The following SAMD3 variants were observed in gnomAD, a reference collection of about 807,000 sequenced individuals.
SAMD3 encodes the protein sterile alpha motif domain containing 3, also known as sterile alpha motif domain-containing protein 3.
Under a neutral mutation model 58.5 loss-of-function variants are expected in SAMD3, and 63 were observed. The ratio of observed to expected loss-of-function variants is 1.08; its 90% confidence interval spans 0.88 to 1.33. The LOEUF is 1.33. SAMD3 is among the 40% of genes most tolerant of loss of function. The pLI is 0.00. For synonymous variants in SAMD3, 220 were observed against 210.3 expected, an observed-to-expected ratio of 1.05 and a Z score of -0.40; for missense variants, 604 against 608.4, an observed-to-expected ratio of 0.99 and a Z score of 0.08.
At chr6:130,208,703 A>T (rs923736460) in intron 5 of SAMD3, among the ~76,000 whole-genome samples, 2 of 152,150 alleles carry the variant, frequency 1.3e-5, no homozygotes, top group Admixed American at 1.3e-4. Context: ...GCCCTCACTG[A>T]TTCTACATTA....
chr6:130,338,531 C>T (rs568892998), intron 1 of SAMD3, among the ~76,000 whole-genome samples: 3 of 152,322 alleles, frequency 2.0e-5, no homozygotes, highest in African/African-American at 7.2e-5. Flanking sequence ...GGAAAAGTCA[C>T]AGGCACTCAA....
rs572548689 is a variant in SAMD3, at chr6:130,150,224, C to T, written c.1024-4043G>A. 9.2e-5 allele frequency among the ~76,000 whole-genome samples: 14 copies of T among 152,326 alleles called. No individual in the cohort carries two copies. In the South Asian group the frequency reaches 2.7e-3, roughly 29 times the overall value. On this transcript the variant is annotated intron_variant, in intron 9 of 11. Transcript: ENST00000439090. ...TCCCCACCGTCCTGTCCTGAAGCAG[C>T]TGGCTTGCCAGACTGGTGGAGTGGC...
chr6:130,162,712 C>A (rs748169113), intron 8 of SAMD3, among the ~76,000 whole-genome samples: 11 of 152,020 alleles, frequency 7.2e-5, no homozygotes, highest in Non-Finnish European at 1.6e-4. Context: ...GGTTTCATAC[C>A]TAAGATTGTG....
At chr6:130,362,968 TCTAC>T (rs2115048975) in intron 1 of SAMD3, among the ~76,000 whole-genome samples, 1 of 152,344 alleles carries the variant, frequency 6.6e-6, no homozygotes. Flanking sequence ...ATATATTTCC[TCTAC>T]CTTTTTCTTT....
chr6:130,301,262 C>G (rs1001122842), intron 2 of SAMD3, among the ~76,000 whole-genome samples: 2 of 152,014 alleles, frequency 1.3e-5, no homozygotes, highest in Non-Finnish European at 2.9e-5. Context: ...CTATTAAATA[C>G]CAGTAGCATT....
At chr6:130,360,940 G>C (rs1175996973) in intron 1 of SAMD3, among the ~76,000 whole-genome samples, 2 of 152,120 alleles carry the variant, frequency 1.3e-5, no homozygotes, top group African/African-American at 4.8e-5. Context: ...GTCCCGCCCG[G>C]CTCACTGGAG....
chr6:130,325,782 T>C (rs1394789810), intron 1 of SAMD3, among the ~76,000 whole-genome samples: 1 of 152,204 alleles, frequency 6.6e-6, no homozygotes, highest in African/African-American at 2.4e-5. Context: ...TTCGAGTGTT[T>C]TGAGTTCAAT....
At chr6:130,153,166 G>A (rs898621449) in intron 9 of SAMD3, among the ~76,000 whole-genome samples, 2 of 151,624 alleles carry the variant, frequency 1.3e-5, no homozygotes, top group African/African-American at 2.4e-5. Flanking sequence ...TGTATAGACC[G>A]TAAGTTTGAC....
Position 130,363,342 on chromosome 6 carries a change from C to T in SAMD3, c.-304+1778G>A, listed in dbSNP as rs180702453. Among the ~76,000 whole-genome samples the T allele has an allele frequency of 7.1e-3, 1,077 of 152,260 alleles. 4 individuals are homozygous for T. Among genetic ancestry groups the T allele is most frequent in the Middle Eastern group, 0.02 (6 of 294 alleles). On this transcript the variant is annotated intron_variant, in intron 1 of 13. Coordinates refer to the SAMD3 transcript ENST00000368134. Reference sequence around the variant, plus strand: ...ACATGACCTCTTAAGAATACTCATTCTTTTTCATTTCAACGTATGTTTCCA... The same window carrying T: ...ACATGACCTCTTAAGAATACTCATTTTTTTTCATTTCAACGTATGTTTCCA...
chr6:130,300,647 G>A (rs994420304), intron 2 of SAMD3, among the ~76,000 whole-genome samples: 6 of 152,144 alleles, frequency 3.9e-5, no homozygotes, highest in Middle Eastern at 3.4e-3. Context: ...AAAAAATAAA[G>A]AAATAAAAGG....
At chr6:130,172,447 T>C (rs1791339350) in intron 8 of SAMD3, among the ~76,000 whole-genome samples, 1 of 152,232 alleles carries the variant, frequency 6.6e-6, no homozygotes, top group African/African-American at 2.4e-5. Flanking sequence ...GAGGATTTTA[T>C]TTCTCCTCCA....
intron 1 of SAMD3, among the ~76,000 whole-genome samples, chr6:130,345,623 C>T (rs542868452): frequency 6.6e-6 from 1 of 151,822 alleles, no homozygotes; most frequent in South Asian, 2.1e-4. Flanking sequence ...GTTTGGAATG[C>T]CTTTGAATCC....
chr6:130,224,389 AC>A (rs1796326910), upstream of SAMD3, among the ~76,000 whole-genome samples: 1 of 151,572 alleles, frequency 6.6e-6, no homozygotes, highest in Admixed American at 6.6e-5. Context: ...CTAGCCAGGG[AC>A]CCCATTCTTC....
intron 8 of SAMD3, among the ~76,000 whole-genome samples, chr6:130,157,840 C>G (rs112145725): frequency 6.2e-4 from 94 of 151,892 alleles, no homozygotes; most frequent in African/African-American, 2.0e-3. Flanking sequence ...TAAAATCATG[C>G]ATATGTAATT....
chr6:130,334,409 CT>C (rs1309513870), intron 1 of SAMD3, among the ~76,000 whole-genome samples: 1 of 115,620 alleles, frequency 8.6e-6, no homozygotes, highest in Non-Finnish European at 1.6e-5. Context: ...CAGTCCTTTC[CT>C]GAAAAAAAGG....
At chr6:130,225,714 G>A (rs1235082047), upstream of SAMD3, among the ~76,000 whole-genome samples, 1 of 152,296 alleles carries the variant, frequency 6.6e-6, no homozygotes, top group African/African-American at 2.4e-5. Context: ...AGAGTAGTTG[G>A]AAGAAGAGGA....
rs1404045415 is a variant in SAMD3 at position 130,155,848 on chromosome 6, C to G, written c.823-823G>C. Among the ~76,000 whole-genome samples the G allele has an allele frequency of 4.6e-5, 7 of 152,100 alleles. No individual in the cohort carries two copies. In the East Asian group the frequency reaches 9.6e-4, roughly 21 times the overall value. On this transcript the variant is annotated intron_variant, in intron 8 of 11. Transcript: ENST00000439090. The stretch of plus-strand genomic sequence containing the variant: ...GTGAACACAGAATGACTAACAAGAC[C>G]TAAACCAAGTGAAGGAACGCCTAGA...
intron 2 of SAMD3, among the ~76,000 whole-genome samples, chr6:130,311,904 T>G (rs1457759286): frequency 6.6e-6 from 1 of 152,082 alleles, no homozygotes; most frequent in East Asian, 1.9e-4. Flanking sequence ...GAGGGGGGCC[T>G]TTGATGAGCC....
chr6:130,355,736 C>G (rs1487449099), intron 1 of SAMD3, among the ~76,000 whole-genome samples: 1 of 152,116 alleles, frequency 6.6e-6, no homozygotes, highest in Non-Finnish European at 1.5e-5. Context: ...ATGACAGACA[C>G]AGGAAAAATG....
Sources: gnomAD v4.1 joint callset for allele counts (sites outside exome capture counted in the v4.1 genomes callset) on GRCh38, gnomAD v4.1.1 for gene constraint, MANE v1.5 for transcripts, NCBI Gene and HGNC (gene_info 2026-07-23, HGNC 2026-07-21) for gene names.